Variants in FXR1 observed in about 807,000 individuals in gnomAD.
FXR1 encodes RNA-binding protein FXR1.
Under a neutral mutation model 84.0 loss-of-function variants are expected in FXR1, and 15 were observed. The ratio of observed to expected loss-of-function variants is 0.18; its 90% CI spans 0.12 to 0.27. The LOEUF (loss-of-function observed/expected upper bound fraction) is 0.27, where lower values mean the gene tolerates loss of function less well. Among genes scored for constraint, FXR1 ranks in the 10% least tolerant of loss-of-function variants. FXR1 has a pLI of 1.00. For synonymous variants in FXR1, 245 were observed against 250.7 expected (o/e 0.98, Z 0.21); for missense variants, 480 against 774.4 (o/e 0.62, Z 4.51).
intron 2 of FXR1, among the ~76,000 whole-genome samples, chr3:180,934,710 GTTTCC>G (rs1720328236): frequency 6.6e-6 from 1 of 152,088 alleles, no homozygotes; most frequent in Non-Finnish European, 1.5e-5. Flanking sequence ...ATGAAATTGT[GTTTCC>G]TTTATTGATA....
chr3:180,940,478 T>G (rs992114491), intron 3 of FXR1, among the ~76,000 whole-genome samples: 1 of 152,228 alleles, frequency 6.6e-6, no homozygotes, highest in Non-Finnish European at 1.5e-5. Flanking sequence ...ATTTTAGATA[T>G]CTGCCTTGCT....
Position 180,968,109 on chromosome 3 carries a change from G to A in FXR1, c.1257G>A (p.Leu419=), listed in dbSNP as rs1282094695. Residue 419 remains leucine, a synonymous_variant, in exon 14 of 17, where the codon CTG becomes CTA. Transcript: ENST00000357559. ...SETESERKDE[L]SDWSLAGEDD... ...CGGAATCTGAGCGTAAAGACGAGCT[G>A]AGTGATTGGTCATTGGCAGGAGAAG... is the stretch of plus-strand genomic sequence containing the variant. The A allele has an allele frequency of 1.9e-6, 3 of 1,613,742 alleles. No individual in the cohort carries two copies. The highest frequency in any genetic ancestry group is 4.5e-5 in the East Asian group (2 of 44,882).
intron 13 of FXR1, among the ~76,000 whole-genome samples, chr3:180,966,518 A>G (rs1259999692): frequency 1.3e-5 from 2 of 152,226 alleles, no homozygotes; most frequent in South Asian, 2.1e-4. Context: ...GGGAACTTCA[A>G]GGTATTTCAT....
At chr3:180,932,591 T>C (rs2108443056) in intron 1 of FXR1, among the ~76,000 whole-genome samples, 1 of 152,340 alleles carries the variant, frequency 6.6e-6, no homozygotes, top group East Asian at 1.9e-4. Context: ...AGAAGGCTAA[T>C]TTTAATAGTA....
chr3:180,970,401 TATATATATATATATATATA>T, intron 15 of FXR1, 43 bp downstream of exon 15: 1 of 284,500 alleles, frequency 3.5e-6, no homozygotes, highest in South Asian at 9.5e-5. Flanking sequence ...TATATATATA[TATATATATATATATATATA>T]TAATTGTAAA....
Position 180,968,055 on chromosome 3 carries a change from A to C in FXR1, c.1203A>C (p.Thr401=). 6.2e-7 allele frequency: 1 copy of C among 1,605,310 alleles called. No individual in the cohort carries two copies. Among genetic ancestry groups the C allele is most frequent in the South Asian group, 1.1e-5 (1 of 90,894 alleles). Residue 401 remains threonine, a synonymous_variant, in exon 14 of 17, where the codon ACA becomes ACC. Transcript: ENST00000357559. ...RGPNYTSGYG[T]NSELSNPSET... is the part of the protein sequence containing the mutation. ...TATGTTCTTTTCTTTTCCAAGGTAC[A>C]AATTCTGAGCTGTCTAACCCCTCTG...
At chr3:180,936,623 G>C (rs959864565) in intron 3 of FXR1, among the ~76,000 whole-genome samples, 2 of 152,114 alleles carry the variant, frequency 1.3e-5, no homozygotes, top group African/African-American at 4.8e-5. Context: ...TAGTATGCTA[G>C]GAAGTCAAAA....
intron 10 of FXR1, among the ~76,000 whole-genome samples, chr3:180,959,843 A>G (rs1711862051): frequency 1.3e-5 from 2 of 152,264 alleles, no homozygotes; most frequent in South Asian, 2.1e-4. Context: ...CCTGTTGCCT[A>G]AGTTTTAAAT....
chr3:180,960,137 C>CT (rs1360731149), intron 10 of FXR1, among the ~76,000 whole-genome samples: 12 of 152,152 alleles, frequency 7.9e-5, no homozygotes, highest in Non-Finnish European at 1.3e-4. Context: ...TCTTATTTCT[C>CT]TTTTCTGCCA....
intron 13 of FXR1, among the ~76,000 whole-genome samples, chr3:180,967,368 G>C (rs1712962929): frequency 6.6e-6 from 1 of 152,016 alleles, no homozygotes; most frequent in Non-Finnish European, 1.5e-5. Flanking sequence ...CATGTGAAAA[G>C]TATACCCTAG....
Position 180,981,493 on chromosome 3 carries a change from G to A in FXR1, c.*5201G>A, listed in dbSNP as rs1714607176. 1 of 151,998 alleles carries A rather than the reference G, an allele frequency of 6.6e-6. No individual in the cohort carries two copies. The highest frequency in any genetic ancestry group is 1.5e-5 in the Non-Finnish European group (1 of 67,940). The allele number at this position is 151,998 out of a possible 1,614,324, so 9.4% of individuals were successfully genotyped here. On this transcript the variant is annotated 3_prime_UTR_variant, in exon 17 of 17. Coordinates refer to ENST00000357559, the MANE Select transcript of FXR1 (RefSeq NM_005087.4). ...TTATAGCTCACTTCTTACCAACAAAGCAGTTTTTATACAGCACCTTAGGAC... is the reference window on the plus strand; with the variant it reads ...TTATAGCTCACTTCTTACCAACAAAACAGTTTTTATACAGCACCTTAGGAC...
chr3:180,916,573 A>C (rs1243224758), intron 1 of FXR1, among the ~76,000 whole-genome samples: 1 of 151,966 alleles, frequency 6.6e-6, no homozygotes, highest in Non-Finnish European at 1.5e-5. Context: ...ATGGCCGGCT[A>C]ATTTTTGTAT....
At chr3:180,956,507 GTTCTGGGGGAGGAA>G (rs1722752215) in intron 9 of FXR1, among the ~76,000 whole-genome samples, 1 of 152,174 alleles carries the variant, frequency 6.6e-6, no homozygotes, top group Non-Finnish European at 1.5e-5. Context: ...AGTGGCAAAG[GTTCTGGGGGAGGAA>G]TATGGTATGT....
intron 3 of FXR1, among the ~76,000 whole-genome samples, chr3:180,944,458 C>G (rs1283535111): frequency 6.6e-6 from 1 of 150,578 alleles, no homozygotes; most frequent in Non-Finnish European, 1.5e-5. Context: ...GTAGCTGGGA[C>G]TAGAGGCATG....
rs5854881 is a variant in FXR1 at position 180,931,739 on chromosome 3, G to GTT, written c.52-1576_52-1575dup. ...TGCCCTTAAAAATTAGTTGTTGTGG[G>GTT]TTTTTTTTTTTTTTTTTTTTGGAGA... On this transcript the variant is annotated intron_variant, in intron 1 of 16. Transcript: ENST00000357559. Among the ~76,000 whole-genome samples, 450 of 101,436 alleles carry GTT rather than the reference G, an allele frequency of 4.4e-3. 6 individuals carry two copies. The highest frequency in any genetic ancestry group is 0.017 in the African/African-American group (394 of 23,786). 66.5% of individuals were successfully genotyped at this position (101,436 alleles called of 152,430 possible).
intron 10 of FXR1, among the ~76,000 whole-genome samples, chr3:180,959,136 C>T (rs146226362): frequency 1.3e-5 from 2 of 152,192 alleles, no homozygotes; most frequent in East Asian, 1.9e-4. Context: ...ATCCCCTTAA[C>T]GCTTTTACGT....
At chr3:180,933,246 C>T in intron 1 of FXR1, 88 bp from the exon 2 acceptor site, 2 of 744,478 alleles carry the variant, frequency 2.7e-6, no homozygotes, top group Non-Finnish European at 4.7e-6. Context: ...TCTTTTAGTA[C>T]TCCCTATTAT....
At chr3:180,968,610 A>G (rs2108491446) in intron 14 of FXR1, among the ~76,000 whole-genome samples, 1 of 152,318 alleles carries the variant, frequency 6.6e-6, no homozygotes, top group Admixed American at 6.5e-5. Flanking sequence ...AGAGATTTCT[A>G]ATGCACAGAG....
At chr3:180,955,686 T>A (rs912257451) in intron 9 of FXR1, among the ~76,000 whole-genome samples, 6 of 152,206 alleles carry the variant, frequency 3.9e-5, no homozygotes, top group Admixed American at 6.5e-5. Context: ...TGGCAGTGGG[T>A]TTGTGAAAGG....
Sources: allele counts gnomAD v4.1 joint callset (sites outside exome capture counted in the v4.1 genomes callset), GRCh38; gene constraint gnomAD v4.1.1; transcripts MANE v1.5; gene names NCBI Gene and HGNC (gene_info 2026-07-23, HGNC 2026-07-21).